The following GABRA3 variants were observed in gnomAD, a reference collection of about 807,000 sequenced individuals.
The protein encoded by GABRA3 is gamma-aminobutyric acid type A receptor subunit alpha3.
GABRA3 carries 10 observed loss-of-function variants against 30.1 expected under a neutral mutation model. The ratio of observed to expected loss-of-function variants is 0.33; its 90% CI spans 0.20 to 0.56. GABRA3 has a LOEUF of 0.56. Ranked by LOEUF, GABRA3 falls within the 20% of genes least tolerant of loss-of-function variation. The pLI, the probability that GABRA3 is intolerant of heterozygous loss-of-function variation, is 0.89. For synonymous variants in GABRA3, 151 were observed against 146.8 expected (o/e 1.03, Z -0.21); for missense variants, 233 against 392.0 (o/e 0.59, Z 3.42).
At chrX:152,380,474 C>T (rs774677733) in intron 1 of GABRA3, among the ~76,000 whole-genome samples, 5 of 111,936 alleles carry the variant, frequency 4.5e-5, no homozygotes, top group African/African-American at 6.5e-5. Flanking sequence ...TGTATATATA[C>T]CACATTTTCT....
chrX:152,365,939 C>T, intron 1 of GABRA3, among the ~76,000 whole-genome samples: 1 of 111,416 alleles, frequency 9.0e-6, no homozygotes, highest in Non-Finnish European at 1.9e-5. Flanking sequence ...ATGAAATTGC[C>T]AATATTTCAC....
rs375561023 is a variant in GABRA3 at position 152,422,930 on chromosome X, A to G, written c.-27+28216T>C. Among the ~76,000 whole-genome samples, 35 of 111,772 alleles carry G rather than the reference A, an allele frequency of 3.1e-4. 2 individuals are homozygous for G. Among genetic ancestry groups the G allele is most frequent in the Admixed American group, 2.4e-3 (25 of 10,484 alleles). ...TATGTTAATAAATATGTCTATTTAG[A>G]CATTCCACAATGTATACATATTTCA... On this transcript the variant is annotated intron_variant, in intron 1 of 9. Transcript: ENST00000370314.
chrX:152,334,637 C>T (rs1323199236), intron 3 of GABRA3, among the ~76,000 whole-genome samples: 2 of 111,315 alleles, frequency 1.8e-5, no homozygotes, highest in Non-Finnish European at 3.8e-5. Flanking sequence ...AAGCTATCTT[C>T]ATGCCTTTGC....
chrX:152,286,746 TAAA>T (rs1939304068), intron 3 of GABRA3, among the ~76,000 whole-genome samples: 1 of 111,889 alleles, frequency 8.9e-6, no homozygotes, highest in Non-Finnish European at 1.9e-5. Flanking sequence ...CACTCATCCA[TAAA>T]AATTCCCATT....
At position 152,319,376 on chromosome X, in the gene GABRA3, A is replaced by C. The variant is rs183307834; in HGVS notation, c.262+26205T>G. 4.1e-4 allele frequency among the ~76,000 whole-genome samples: 46 copies of C among 112,221 alleles called. No individual in the cohort carries two copies. The East Asian group carries it at 0.012, about 30-fold the overall frequency. Reference sequence around the variant, plus strand: ...AACAGCATGGTACTGGTATAAAAATAAGCACGGAGACCAATGGGACAAAAT... The same window carrying C: ...AACAGCATGGTACTGGTATAAAAATCAGCACGGAGACCAATGGGACAAAAT... On this transcript the variant is annotated intron_variant, in intron 3 of 9. Coordinates refer to ENST00000370314, the MANE Select transcript of GABRA3 (RefSeq NM_000808.4).
intron 1 of GABRA3, among the ~76,000 whole-genome samples, chrX:152,413,513 G>A (rs1301236154): frequency 9.0e-6 from 1 of 111,300 alleles, no homozygotes; most frequent in Admixed American, 9.6e-5. Flanking sequence ...TTGAACATTT[G>A]ACAATCAATT....
intron 5 of GABRA3, among the ~76,000 whole-genome samples, chrX:152,252,261 A>C (rs1306757701): frequency 8.9e-6 from 1 of 111,833 alleles, no homozygotes; most frequent in Non-Finnish European, 1.9e-5. Flanking sequence ...TGTGAAGAAC[A>C]CTAATATCCT....
chrX:152,244,683 A>C (rs1159741200), intron 5 of GABRA3, among the ~76,000 whole-genome samples: 2 of 111,741 alleles, frequency 1.8e-5, no homozygotes, highest in African/African-American at 3.2e-5. Flanking sequence ...ACACTTCTGG[A>C]AAGTGAGGTT....
At chrX:152,183,466 G>C (rs1428766751) in intron 9 of GABRA3, among the ~76,000 whole-genome samples, 1 of 98,088 alleles carries the variant, frequency 1.0e-5, no homozygotes, top group Non-Finnish European at 2.0e-5. Flanking sequence ...TAGTCTAAAG[G>C]TTTGTCTATT....
At chrX:152,205,322 T>G (rs1200202124) in intron 7 of GABRA3, among the ~76,000 whole-genome samples, 1 of 111,655 alleles carries the variant, frequency 9.0e-6, no homozygotes, top group African/African-American at 3.3e-5. Flanking sequence ...TATCAATTTT[T>G]TTTAATGTGT....
intron 6 of GABRA3, among the ~76,000 whole-genome samples, chrX:152,218,000 C>T (rs1009688188): frequency 1.7e-4 from 18 of 105,522 alleles, no homozygotes; most frequent in Non-Finnish European, 3.1e-4. Flanking sequence ...TTTCCTTCTG[C>T]TTGCTTTGGA....
intron 4 of GABRA3, among the ~76,000 whole-genome samples, chrX:152,267,503 T>C (rs1416314236): frequency 1.8e-5 from 2 of 111,751 alleles, no homozygotes; most frequent in African/African-American, 6.5e-5. Context: ...GGTTTTAGCA[T>C]TGGGGTAACA....
intron 3 of GABRA3, among the ~76,000 whole-genome samples, chrX:152,335,958 C>G (rs1426682509): frequency 9.0e-6 from 1 of 111,409 alleles, no homozygotes; most frequent in Non-Finnish European, 1.9e-5. Flanking sequence ...TAGCCTCAAG[C>G]GATCCTCCTG....
intron 9 of GABRA3, among the ~76,000 whole-genome samples, chrX:152,170,820 T>A (rs768844572): frequency 1.4e-4 from 16 of 112,087 alleles, no homozygotes; most frequent in Admixed American, 1.0e-3. Context: ...GATGAGAGGA[T>A]GTTGGTTTAC....
At chrX:152,436,851 G>C (rs960427635) in intron 1 of GABRA3, among the ~76,000 whole-genome samples, 3 of 111,009 alleles carry the variant, frequency 2.7e-5, no homozygotes, top group Non-Finnish European at 5.7e-5. Context: ...AATGCAAAAG[G>C]TACAAGTCAT....
At chrX:152,292,517 T>C (rs1386908928) in intron 3 of GABRA3, among the ~76,000 whole-genome samples, 3 of 111,735 alleles carry the variant, frequency 2.7e-5, no homozygotes, top group Admixed American at 9.5e-5. Flanking sequence ...TCACTGATTT[T>C]TTAAAGGATT....
intron 9 of GABRA3, among the ~76,000 whole-genome samples, chrX:152,173,353 G>A (rs764992271): frequency 1.8e-5 from 2 of 110,976 alleles, no homozygotes; most frequent in Non-Finnish European, 3.8e-5. Context: ...AGAGAAAGGA[G>A]CACAGTAGGT....
intron 4 of GABRA3, among the ~76,000 whole-genome samples, chrX:152,277,970 C>T (rs957712869): frequency 8.1e-5 from 9 of 111,763 alleles, no homozygotes; most frequent in Admixed American, 4.8e-4. Flanking sequence ...ACAATGAAGG[C>T]CTTGCCATTT....
chrX:152,399,907 C>A (rs1156564833), intron 1 of GABRA3, among the ~76,000 whole-genome samples: 1 of 111,174 alleles, frequency 9.0e-6, no homozygotes, highest in Non-Finnish European at 1.9e-5. Flanking sequence ...ACCCTAGTGA[C>A]TTACCTATTT....
Sources: allele counts gnomAD v4.1 joint callset (sites outside exome capture counted in the v4.1 genomes callset), GRCh38; gene constraint gnomAD v4.1.1; transcripts MANE v1.5; gene names NCBI Gene and HGNC (gene_info 2026-07-23, HGNC 2026-07-21).